Variants in PLCH1 observed in about 807,000 individuals in gnomAD.
PLCH1 encodes the protein 1-phosphatidylinositol 4,5-bisphosphate phosphodiesterase eta-1.
In PLCH1, 60 loss-of-function variants were observed where a neutral mutation model predicts 126.7. The observed-to-expected ratio is 0.47, with a 90% CI of 0.38 to 0.59. The LOEUF (loss-of-function observed/expected upper bound fraction) is 0.59. Ranked by LOEUF, PLCH1 falls within the 20% of genes least tolerant of loss-of-function variation. The pLI, the probability that PLCH1 is intolerant of heterozygous loss-of-function variation, is 0.00. For synonymous variants in PLCH1, 719 were observed against 734.9 expected, an observed-to-expected ratio of 0.98 and a Z score of 0.35; for missense variants, 1,723 against 2,040.0, an observed-to-expected ratio of 0.84 and a Z score of 2.99.
At chr3:155,677,175 C>T (rs1205186177) in intron 2 of PLCH1, among the ~76,000 whole-genome samples, 1 of 152,188 alleles carries the variant, frequency 6.6e-6, no homozygotes, top group Admixed American at 6.5e-5. Flanking sequence ...GTCCCTCACC[C>T]ACCTGTGGCC....
intron 1 of PLCH1, chr3:155,742,249 A>C (rs1254744482): frequency 6.6e-6 from 1 of 152,250 alleles, no homozygotes; most frequent in Admixed American, 6.5e-5. Flanking sequence ...ACATTTCGTT[A>C]AGAATTTTCA....
At chr3:155,700,164 A>G (rs1303569161) in intron 2 of PLCH1, among the ~76,000 whole-genome samples, 1 of 152,222 alleles carries the variant, frequency 6.6e-6, no homozygotes, top group Non-Finnish European at 1.5e-5. Flanking sequence ...TTGGATTAGA[A>G]CTAGTCTTCA....
chr3:155,682,251 CA>C (rs1744596756), intron 2 of PLCH1, among the ~76,000 whole-genome samples: 1 of 152,170 alleles, frequency 6.6e-6, no homozygotes, highest in South Asian at 2.1e-4. Context: ...TTTATCAATT[CA>C]AACAAGCCCA....
At chr3:155,646,246 A>C (rs182005702) in intron 2 of PLCH1, among the ~76,000 whole-genome samples, 1 of 152,304 alleles carries the variant, frequency 6.6e-6, no homozygotes. Flanking sequence ...CCTACATATG[A>C]AACCCTCTTG....
chr3:155,624,232 G>A (rs1161063544), intron 2 of PLCH1, among the ~76,000 whole-genome samples: 5 of 152,150 alleles, frequency 3.3e-5, no homozygotes, highest in South Asian at 2.1e-4. Context: ...AATAAACTAG[G>A]TATTGATGGG....
intron 2 of PLCH1, among the ~76,000 whole-genome samples, chr3:155,680,801 ACT>A (rs1332202489): frequency 2.0e-5 from 3 of 152,118 alleles, no homozygotes; most frequent in Non-Finnish European, 4.4e-5. Flanking sequence ...ATAATTAATA[ACT>A]CTCAACTGTC....
rs1213892469 is a variant in PLCH1 at position 155,583,580 on chromosome 3, T to A, written c.663A>T (p.Lys221Asn). ...AAAGGTCTCGTCTCAAAGACATCAT[T>A]TTGTAAAAAACACAGAACTCTTCAA... ...LTFEEFCVFY[K>N]MMSLRRDLYL... is the part of the protein sequence containing the mutation. Residue 221 changes from lysine (K) to asparagine (N), a missense_variant, in exon 6 of 23, where the codon AAA (lysine) becomes AAT (asparagine). Around this residue, in one of 2 missense-constraint regions of PLCH1, gnomAD observed 776 missense variants for 1,062.9 expected, o/e 0.73. Transcript: ENST00000460012. 1 of 1,603,380 alleles carries A rather than the reference T, an allele frequency of 6.2e-7. No individual in the cohort carries two copies. Among genetic ancestry groups the A allele is most frequent in the Non-Finnish European group, 8.5e-7 (1 of 1,177,080 alleles).
chr3:155,742,624 C>G (rs1429765451), intron 1 of PLCH1: 1 of 152,122 alleles, frequency 6.6e-6, no homozygotes, highest in Non-Finnish European at 1.5e-5. Context: ...CAGTTACAAG[C>G]CACCAAATAG....
chr3:155,586,339 T>G, intron 4 of PLCH1, 145 bp from the exon 5 acceptor site: 2 of 700,784 alleles, frequency 2.9e-6, no homozygotes, highest in Admixed American at 2.7e-5. Context: ...TAGGCTCTGA[T>G]GAGCTACTAA....
intron 2 of PLCH1, among the ~76,000 whole-genome samples, chr3:155,661,851 GTTTTC>G (rs1742192828): frequency 1.3e-5 from 2 of 152,176 alleles, no homozygotes; most frequent in South Asian, 4.1e-4. Context: ...CAGGTAGTTA[GTTTTC>G]TTTTCTAAAG....
At chr3:155,650,849 C>A (rs1162292323) in intron 2 of PLCH1, among the ~76,000 whole-genome samples, 2 of 152,052 alleles carry the variant, frequency 1.3e-5, no homozygotes, top group Non-Finnish European at 2.9e-5. Flanking sequence ...ACTAGCCTGG[C>A]CAACATGGCA....
At chr3:155,553,036 G>A (rs1726340598) in intron 9 of PLCH1, among the ~76,000 whole-genome samples, 1 of 152,192 alleles carries the variant, frequency 6.6e-6, no homozygotes, top group South Asian at 2.1e-4. Flanking sequence ...CTTAATGGCA[G>A]GAGTCTTATC....
chr3:155,606,720 A>C (rs1399297639), intron 2 of PLCH1, among the ~76,000 whole-genome samples: 1 of 152,230 alleles, frequency 6.6e-6, no homozygotes, highest in Non-Finnish European at 1.5e-5. Context: ...GGCTGATAAT[A>C]GAGTCAGCTG....
chr3:155,571,379 C>T (rs938006912), intron 6 of PLCH1, among the ~76,000 whole-genome samples: 1 of 152,134 alleles, frequency 6.6e-6, no homozygotes, highest in Non-Finnish European at 1.5e-5. Flanking sequence ...GTCAATAATG[C>T]CAATATTTCT....
rs114354863 is a variant in PLCH1 at position 155,585,636 on chromosome 3, T to C, written c.600+429A>G. On this transcript the variant is annotated intron_variant, in intron 5 of 22. Transcript: ENST00000460012. ...CCTAAATGGCAGGAGTGAATTGCCCTCCTAATCCTCATGGATACTAAATCC... is the reference window on the plus strand; with the variant it reads ...CCTAAATGGCAGGAGTGAATTGCCCCCCTAATCCTCATGGATACTAAATCC... Among the ~76,000 whole-genome samples, 669 of 152,304 alleles carry C rather than the reference T, an allele frequency of 4.4e-3. 5 individuals are homozygous for C. Among genetic ancestry groups the C allele is most frequent in the Middle Eastern group, 0.017 (5 of 294 alleles).
chr3:155,503,877 T>C (rs750884792), intron 13 of PLCH1, among the ~76,000 whole-genome samples: 2 of 152,234 alleles, frequency 1.3e-5, no homozygotes, highest in Non-Finnish European at 2.9e-5. Flanking sequence ...ATAGAACTGC[T>C]AAGTCATAGT....
At chr3:155,658,282 CT>C in intron 2 of PLCH1, 1 of 212,582 alleles carries the variant, frequency 4.7e-6, no homozygotes, top group Non-Finnish European at 1.0e-5. Context: ...TGGGCAGTGG[CT>C]TGTTACTTGT....
intron 2 of PLCH1, among the ~76,000 whole-genome samples, chr3:155,650,743 T>C (rs1482653489): frequency 6.6e-6 from 1 of 152,176 alleles, no homozygotes; most frequent in Non-Finnish European, 1.5e-5. Context: ...AAATTACCAA[T>C]AAACATGAAA....
intron 12 of PLCH1, among the ~76,000 whole-genome samples, chr3:155,506,224 G>T (rs80000273): frequency 6.6e-6 from 1 of 151,968 alleles, no homozygotes; most frequent in Admixed American, 6.6e-5. Flanking sequence ...AATACAGAAA[G>T]TTAGATTATA....
Sources: gnomAD v4.1 joint callset for allele counts (sites outside exome capture counted in the v4.1 genomes callset) on GRCh38, gnomAD v4.1.1 for gene constraint, gnomAD v4.1.1 regional missense constraint, MANE v1.5 for transcripts, NCBI Gene and HGNC (gene_info 2026-07-23, HGNC 2026-07-21) for gene names.